Variants in ITGA11 observed in about 807,000 individuals in gnomAD.
The protein encoded by ITGA11 is integrin alpha-11.
Under a neutral mutation model 141.9 loss-of-function variants are expected in ITGA11, and 97 were observed. The ratio of observed to expected loss-of-function variants is 0.68; its 90% CI spans 0.58 to 0.81. The LOEUF is 0.81. Among genes scored for constraint, ITGA11 ranks in the 30% least tolerant of loss-of-function variants. The pLI, the probability that ITGA11 is intolerant of heterozygous loss-of-function variation, is 0.00. For synonymous variants in ITGA11, 658 were observed against 624.6 expected, an observed-to-expected ratio of 1.05 and a Z score of -0.80; for missense variants, 1,387 against 1,559.2, an observed-to-expected ratio of 0.89 and a Z score of 1.86.
intron 10 of ITGA11, 150 bp downstream of exon 10, chr15:68,348,680 G>A: frequency 1.5e-6 from 1 of 665,644 alleles, no homozygotes; most frequent in East Asian, 2.8e-5. Context: ...CAGAAGATGG[G>A]AGGCAGAGAG....
intron 20 of ITGA11, among the ~76,000 whole-genome samples, chr15:68,317,790 G>A (rs764794884): frequency 1.8e-4 from 28 of 152,294 alleles, no homozygotes; most frequent in Non-Finnish European, 3.5e-4. Context: ...ATGATTATTT[G>A]TCCCTGCTGT....
intron 8 of ITGA11, 98 bp from the exon 9 acceptor site, chr15:68,350,880 G>C (rs576066402): frequency 5.6e-6 from 7 of 1,257,162 alleles, no homozygotes; most frequent in Non-Finnish European, 7.7e-6. Context: ...GGGTGGGCTG[G>C]AGCCAGGGCC....
intron 2 of ITGA11, among the ~76,000 whole-genome samples, chr15:68,377,061 C>T (rs561170320): frequency 6.6e-6 from 1 of 152,334 alleles, no homozygotes; most frequent in South Asian, 2.1e-4. Flanking sequence ...CCACAGCCAT[C>T]TCTGACCATC....
chr15:68,374,459 G>A (rs1895676669), intron 2 of ITGA11, among the ~76,000 whole-genome samples: 1 of 152,186 alleles, frequency 6.6e-6, no homozygotes, highest in Non-Finnish European at 1.5e-5. Context: ...GAGAAGTGCT[G>A]TGTCTGAGGC....
chr15:68,350,674 C>T lies in ITGA11; in HGVS notation c.1003G>A (p.Glu335Lys). 6.2e-7 allele frequency: 1 copy of T among 1,613,948 alleles called. No individual in the cohort carries two copies. Among genetic ancestry groups the T allele is most frequent in the South Asian group, 1.1e-5 (1 of 91,066 alleles). Reference protein sequence around the residue: ...DDKHFFNVTDEAALKDIVDAL... With the variant: ...DDKHFFNVTDKAALKDIVDAL... ...TCGACAATGTCCTTCAAGGCAGCCT[C>T]ATCAGTGACATTGAAGAAGTGCTTG... The change falls in exon 9 of 30, where the codon GAG becomes AAG. Residue 335 changes from glutamate (E) to lysine (K), a missense_variant. Glu to Lys is a moderately conservative substitution (Grantham distance 56). Coordinates refer to ENST00000315757, the MANE Select transcript of ITGA11 (RefSeq NM_001004439.2).
intron 2 of ITGA11, among the ~76,000 whole-genome samples, chr15:68,376,141 G>A (rs148372650): frequency 6.6e-6 from 1 of 152,158 alleles, no homozygotes; most frequent in African/African-American, 2.4e-5. Context: ...GACTCTCACT[G>A]GGCTCAAAGC....
At chr15:68,354,589 G>C (rs1048615560) in intron 7 of ITGA11, among the ~76,000 whole-genome samples, 15 of 152,194 alleles carry the variant, frequency 9.9e-5, no homozygotes, top group Non-Finnish European at 2.9e-5. Flanking sequence ...CTCCTCTGCT[G>C]TTCTCAGGGT....
chr15:68,297,717 C>G lies in ITGA11; in HGVS notation c.*5342G>C, dbSNP rs923445212. 6.6e-6 allele frequency: 1 copy of G among 152,162 alleles called. No individual in the cohort carries two copies. The highest frequency in any genetic ancestry group is 1.5e-5 in the Non-Finnish European group (1 of 68,022). The allele number at this position is 152,162 out of a possible 1,614,324, so 9.4% of individuals were successfully genotyped here. On this transcript the variant is annotated 3_prime_UTR_variant, in exon 30 of 30. Transcript: ENST00000315757. ...GCAAGTAACAATAATATGGCATTCT[C>G]ATTTCCAGCCTTCACATCTCAGGAG...
At chr15:68,344,442 A>C (rs1298783228) in intron 10 of ITGA11, among the ~76,000 whole-genome samples, 1 of 152,192 alleles carries the variant, frequency 6.6e-6, no homozygotes, top group Non-Finnish European at 1.5e-5. Flanking sequence ...TCAGCCACTA[A>C]GAACCTTAGC....
At chr15:68,378,922 C>T (rs1464707886) in intron 2 of ITGA11, among the ~76,000 whole-genome samples, 1 of 152,158 alleles carries the variant, frequency 6.6e-6, no homozygotes, top group African/African-American at 2.4e-5. Flanking sequence ...AACAGTGCTT[C>T]CTTCCTAAGT....
chr15:68,361,471 G>A, intron 5 of ITGA11, 119 bp downstream of exon 5: 1 of 674,644 alleles, frequency 1.5e-6, no homozygotes. Flanking sequence ...GGAGAGCTGG[G>A]GCAGGACAGT....
rs1893803434 is a variant in ITGA11 at position 68,321,409 on chromosome 15, C to T, written c.2408+9G>A. 2 of 1,555,012 alleles carry T rather than the reference C, an allele frequency of 1.3e-6. No homozygotes were observed. Among genetic ancestry groups the T allele is most frequent in the African/African-American group, 2.8e-5 (2 of 71,038 alleles). On this transcript the variant is annotated intron_variant, in intron 19 of 29. Transcript: ENST00000315757. This position sits in a 1 kb window ranked among gnomAD's most constrained non-coding sequence, Gnocchi z 4.9. ...GGGGCGAGGGTGGGGGTGGAAGGAG[C>T]CAACTCACATGGCCGTGGGCAGGTC...
Position 68,326,865 on chromosome 15 carries a change from C to T in ITGA11, c.2069-69G>A. On this transcript the variant is annotated intron_variant, in intron 16 of 29. Coordinates refer to ENST00000315757, the MANE Select transcript of ITGA11 (RefSeq NM_001004439.2). The surrounding 1 kb of genome is among the most constrained non-coding windows in gnomAD (Gnocchi z 6.8). ...GCCCATCCAAGACTGTCTGCCTCCT[C>T]CAGGAAGCCCCCCAGGCTGGCCAGG... is the stretch of plus-strand genomic sequence containing the variant. The T allele has an allele frequency of 6.7e-7, 1 of 1,487,552 alleles. No homozygotes were observed. Among genetic ancestry groups the T allele is most frequent in the East Asian group, 2.5e-5 (1 of 40,100 alleles). The allele number at this position is 1,487,552 out of a possible 1,614,324, so 92.1% of individuals were successfully genotyped here. A position where few individuals can be genotyped will look rare whatever the true frequency, so the allele number is the denominator to read the frequency against.
intron 2 of ITGA11, among the ~76,000 whole-genome samples, chr15:68,393,391 A>G (rs764007492): frequency 1.6e-4 from 25 of 152,174 alleles, no homozygotes; most frequent in Non-Finnish European, 2.9e-4. Flanking sequence ...TGGAAACCCT[A>G]TGCAGAACAA....
At chr15:68,341,742 G>A (rs2140317718) in intron 10 of ITGA11, among the ~76,000 whole-genome samples, 1 of 152,358 alleles carries the variant, frequency 6.6e-6, no homozygotes, top group South Asian at 2.1e-4. Context: ...GGCCTTTGAA[G>A]ATGAATTTCT....
Position 68,326,549 on chromosome 15 carries a change from G to T in ITGA11, c.2211+105C>A. On this transcript the variant is annotated intron_variant, in intron 17 of 29. Coordinates refer to ENST00000315757, the MANE Select transcript of ITGA11 (RefSeq NM_001004439.2). The surrounding 1 kb of genome is among the most constrained non-coding windows in gnomAD (Gnocchi z 6.8). Reference sequence around the variant, plus strand: ...CACTGTCCCTGGCTGGCTTCCTGAGGTCTGCTGGGGGCTTAGAACCAGCCA... The same window carrying T: ...CACTGTCCCTGGCTGGCTTCCTGAGTTCTGCTGGGGGCTTAGAACCAGCCA... The T allele has an allele frequency of 7.6e-7, 1 of 1,311,170 alleles. No individual in the cohort carries two copies. Among genetic ancestry groups the T allele is most frequent in the Non-Finnish European group, 1.0e-6 (1 of 973,624 alleles). 81.2% of individuals were successfully genotyped at this position (1,311,170 alleles called of 1,614,324 possible). A position where few individuals can be genotyped will look rare whatever the true frequency, so the allele number is the denominator to read the frequency against.
intron 22 of ITGA11, 151 bp downstream of exon 22, chr15:68,315,500 C>A (rs1179663605): frequency 1.4e-6 from 1 of 708,192 alleles, no homozygotes; most frequent in African/African-American, 1.8e-5. Flanking sequence ...CGGCCCACCT[C>A]CCCACCCCAC....
intron 2 of ITGA11, among the ~76,000 whole-genome samples, chr15:68,385,069 C>A (rs1482476084): frequency 6.6e-6 from 1 of 152,154 alleles, no homozygotes; most frequent in Non-Finnish European, 1.5e-5. Context: ...CACTTAAACA[C>A]CATCTCCTAT....
chr15:68,424,781 T>C (rs1897101764), intron 1 of ITGA11, among the ~76,000 whole-genome samples: 1 of 152,230 alleles, frequency 6.6e-6, no homozygotes, highest in Admixed American at 6.5e-5. Flanking sequence ...GCTTCTCAAG[T>C]CTGCCAAGGT....
Sources: gnomAD v4.1 joint callset for allele counts (sites outside exome capture counted in the v4.1 genomes callset) on GRCh38, gnomAD v4.1.1 for gene constraint, Gnocchi (gnomAD v3.1) non-coding constraint, MANE v1.5 for transcripts, NCBI Gene and HGNC (gene_info 2026-07-23, HGNC 2026-07-21) for gene names.